Variants in CDCA7 observed in about 807,000 individuals in gnomAD.
CDCA7 encodes the protein cell division cycle associated 7, also known as cell division cycle-associated protein 7.
A neutral mutation model predicts 54.0 loss-of-function variants in CDCA7; 28 were observed. That is an observed-to-expected ratio of 0.52 (90% CI 0.38 to 0.71). The LOEUF is 0.71. CDCA7 is among the 30% of genes least tolerant of loss of function. The pLI is 0.00. For missense variants in CDCA7, 484 were observed against 586.0 expected, an observed-to-expected ratio of 0.83 and a Z score of 1.80; for synonymous variants, 180 against 208.2, an observed-to-expected ratio of 0.86 and a Z score of 1.16.
chr2:173,362,645 G>A (rs1450033154), intron 3 of CDCA7, among the ~76,000 whole-genome samples: 1 of 149,384 alleles, frequency 6.7e-6, no homozygotes, highest in Admixed American at 6.7e-5. Flanking sequence ...GCACGAACAC[G>A]GCTCACTGAG....
intron 1 of CDCA7, among the ~76,000 whole-genome samples, chr2:173,355,212 T>C (rs561871684): frequency 1.2e-4 from 19 of 152,350 alleles, no homozygotes; most frequent in Admixed American, 9.1e-4. Context: ...GCGTGGAGAC[T>C]TGAGTCGTTT....
In CDCA7 at chr2:173,365,532, AGAG is replaced by A; in HGVS notation, c.982_984del (p.Glu328del). On this transcript the variant is annotated inframe_deletion, in exon 7 of 10. Transcript: ENST00000306721. Reference sequence around the variant, plus strand: ...TAATTCGCCCAGTGGAAGAAATTACAGAGGAGGAGTTGGAGAACGTCTGCAGCA... The same window carrying A: ...TAATTCGCCCAGTGGAAGAAATTACAGAGGAGTTGGAGAACGTCTGCAGCA... The A allele has an allele frequency of 6.2e-7, 1 of 1,614,232 alleles. No individual in the cohort carries two copies. The highest frequency in any genetic ancestry group is 8.5e-7 in the Non-Finnish European group (1 of 1,180,034).
intron 3 of CDCA7, among the ~76,000 whole-genome samples, chr2:173,360,932 C>A (rs891775014): frequency 6.6e-6 from 1 of 151,882 alleles, no homozygotes; most frequent in Non-Finnish European, 1.5e-5. Context: ...GACTCTGTAC[C>A]CATTAACAGT....
Position 173,364,943 on chromosome 2 carries a change from A to G in CDCA7, c.848A>G (p.Lys283Arg). 1.2e-6 allele frequency: 2 copies of G among 1,601,772 alleles called. No homozygotes were observed. The highest frequency in any genetic ancestry group is 1.7e-6 in the Non-Finnish European group (2 of 1,176,122). The change falls in exon 6 of 10, where the codon AAG becomes AGG. Residue 283 changes from lysine (K) to arginine (R), a missense_variant. Coordinates refer to ENST00000306721, the MANE Select transcript of CDCA7 (RefSeq NM_031942.5). The stretch of plus-strand genomic sequence containing the variant: ...ATGGAGGAGGAGGAGGAAGAGGATA[A>G]GTACATGTTGGTGAGAAAGAGGAAG... ...LPMEEEEEED[K>R]YMLVRKRKTV...
chr2:173,365,307 T>C, intron 6 of CDCA7, 145 bp from the exon 7 acceptor site: 1 of 969,658 alleles, frequency 1.0e-6, no homozygotes, highest in South Asian at 1.8e-5. Context: ...TGTGAAGAAA[T>C]TACAAGTCAA....
chr2:173,367,319 G>T, intron 9 of CDCA7, 33 bp downstream of exon 9: 4 of 1,612,780 alleles, frequency 2.5e-6, no homozygotes, highest in Non-Finnish European at 3.4e-6. Flanking sequence ...TTCCACATCT[G>T]AATTTTATAT....
In CDCA7 at chr2:173,367,352, A is replaced by T. The variant is rs369377579; in HGVS notation, c.1322+66A>T. 9.4e-5 allele frequency: 150 copies of T among 1,601,788 alleles called. 2 individuals are homozygous for T. The East Asian group carries it at 3.3e-3, about 35-fold the overall frequency. On this transcript the variant is annotated intron_variant, in intron 9 of 9. Coordinates refer to ENST00000306721, the MANE Select transcript of CDCA7 (RefSeq NM_031942.5). ...TATTCATTTATGTCTTAATGAGAAG[A>T]TGATAGATGTCAGAAGAGTGGTTAT...
intron 3 of CDCA7, among the ~76,000 whole-genome samples, chr2:173,360,315 T>C (rs929579044): frequency 3.9e-5 from 6 of 152,336 alleles, no homozygotes; most frequent in African/African-American, 1.4e-4. Context: ...GACACAAACA[T>C]TGTCAATAGC....
Position 173,363,359 on chromosome 2 carries a change from C to T in CDCA7, c.518C>T (p.Pro173Leu), listed in dbSNP as rs777701375. ...AACAAAAAAGCAGAGTCCCGCCAGCCCTCAGAGAATTCTGTGACTGATTCC... is the reference window on the plus strand; with the variant it reads ...AACAAAAAAGCAGAGTCCCGCCAGCTCTCAGAGAATTCTGTGACTGATTCC... ...ATNKKAESRQ[P>L]SENSVTDSNS... The change falls in exon 4 of 10, where the codon CCC (proline) becomes CTC (leucine). Residue 173 changes from proline to leucine, a missense_variant. Physicochemically the swap from Pro to Leu is moderately conservative, Grantham distance 98. Coordinates refer to ENST00000306721, the MANE Select transcript of CDCA7 (RefSeq NM_031942.5). 38 of 1,614,016 alleles carry T rather than the reference C, an allele frequency of 2.4e-5. No homozygotes were observed. The highest frequency in any genetic ancestry group is 8.5e-7 in the Non-Finnish European group (1 of 1,180,044).
At chr2:173,356,652 GCACCGC>G (rs1686512737) in intron 1 of CDCA7, among the ~76,000 whole-genome samples, 1 of 152,148 alleles carries the variant, frequency 6.6e-6, no homozygotes, top group Non-Finnish European at 1.5e-5. Flanking sequence ...TTACATGTAC[GCACCGC>G]CACATCCGGC....
chr2:173,358,975 T>C (rs1686567508), intron 2 of CDCA7, 138 bp downstream of exon 2: 1 of 1,218,308 alleles, frequency 8.2e-7, no homozygotes, highest in Non-Finnish European at 1.1e-6. Context: ...TGCACTATAA[T>C]TTCATTTCAC....
Position 173,359,311 on chromosome 2 carries a change from C to T in CDCA7, c.204C>T (p.Asp68=). ...AACTGGCAAATGTTTTTTATGAGGA[C>T]TCTGATAATGAATCTTTCTGCGGCT... ...SEELANVFYE[D]SDNESFCGFS... is the part of the protein sequence containing the mutation. The change falls in exon 3 of 10, where the codon GAC becomes GAT. Residue 68 remains aspartate (D), a synonymous_variant. Coordinates refer to ENST00000306721, the MANE Select transcript of CDCA7 (RefSeq NM_031942.5). 1 of 1,614,180 alleles carries T rather than the reference C, an allele frequency of 6.2e-7. No homozygotes were observed. The highest frequency in any genetic ancestry group is 8.5e-7 in the Non-Finnish European group (1 of 1,180,032).
At chr2:173,364,695 C>G (rs1054987369) in intron 5 of CDCA7, 100 bp from the exon 6 acceptor site, 3 of 1,488,190 alleles carry the variant, frequency 2.0e-6, no homozygotes, top group Non-Finnish European at 2.7e-6. Flanking sequence ...ATAGAGCTCT[C>G]TTTACTTAAA....
intron 2 of CDCA7, 149 bp from the exon 3 acceptor site, chr2:173,359,106 G>A: frequency 1.3e-6 from 1 of 764,564 alleles, no homozygotes; most frequent in Non-Finnish European, 2.1e-6. Context: ...GAAATCATTT[G>A]TAAACCTCTG....
chr2:173,358,571 A>AG (rs1686557282), intron 1 of CDCA7, 141 bp from the exon 2 acceptor site: 3 of 909,406 alleles, frequency 3.3e-6, no homozygotes, highest in Admixed American at 3.6e-5. Context: ...AGCAGTTAAC[A>AG]AACTTCCTTT....
In CDCA7 at chr2:173,368,261, A is replaced by G. The variant is rs2106393365; in HGVS notation, c.*597A>G. 1 of 152,722 alleles carries G rather than the reference A, an allele frequency of 6.5e-6. No individual in the cohort carries two copies. The highest frequency in any genetic ancestry group is 6.5e-5 in the Admixed American group (1 of 15,362). The allele number at this position is 152,722 out of a possible 1,614,324, so 9.5% of individuals were successfully genotyped here. A position where few individuals can be genotyped will look rare whatever the true frequency, so the allele number is the denominator to read the frequency against. ...AAGTTGTTGTCACAGTTGAGACTTA[A>G]TTTCTCCTAATTTCTTCTGCCCGAA... On this transcript the variant is annotated 3_prime_UTR_variant, in exon 10 of 10. Transcript: ENST00000306721.
chr2:173,362,082 G>T (rs1686632569), intron 3 of CDCA7, among the ~76,000 whole-genome samples: 1 of 152,184 alleles, frequency 6.6e-6, no homozygotes, highest in African/African-American at 2.4e-5. Flanking sequence ...CTTCCAAAGT[G>T]CTGGGATTAT....
intron 3 of CDCA7, among the ~76,000 whole-genome samples, chr2:173,361,177 T>G (rs1169821476): frequency 6.6e-6 from 1 of 152,246 alleles, no homozygotes; most frequent in African/African-American, 2.4e-5. Context: ...CACATTTGAT[T>G]TACCCATTCA....
intron 3 of CDCA7, among the ~76,000 whole-genome samples, chr2:173,361,871 G>C (rs1686628706): frequency 6.6e-6 from 1 of 151,678 alleles, no homozygotes; most frequent in South Asian, 2.1e-4. Context: ...GCAGTGGTGT[G>C]GTCTCAGTGA....
Sources: gnomAD v4.1 joint callset for allele counts (sites outside exome capture counted in the v4.1 genomes callset) on GRCh38, gnomAD v4.1.1 for gene constraint, MANE v1.5 for transcripts, NCBI Gene and HGNC (gene_info 2026-07-23, HGNC 2026-07-21) for gene names.